The following GLRA1 variants were observed in gnomAD, a reference collection of about 807,000 sequenced individuals.
The protein encoded by GLRA1 is glycine receptor alpha 1, also known as glycine receptor subunit alpha-1.
In GLRA1, 37 loss-of-function variants were observed where a neutral mutation model predicts 48.3. That is an observed-to-expected ratio of 0.77 (90% CI 0.59 to 1.01). The LOEUF is 1.01. Ranked by LOEUF, GLRA1 falls within the 50% of genes least tolerant of loss-of-function variation. GLRA1 has a pLI of 0.00. For missense variants in GLRA1, 427 were observed against 571.0 expected (o/e 0.75, Z 2.57); for synonymous variants, 196 against 210.7 (o/e 0.93, Z 0.60).
At chr5:151,871,776 G>A (rs1455909203) in intron 3 of GLRA1, among the ~76,000 whole-genome samples, 1 of 149,420 alleles carries the variant, frequency 6.7e-6, no homozygotes, top group African/African-American at 2.6e-5. Context: ...GTGTTAACCA[G>A]GATGGTCTCA....
chr5:151,833,817 C>CAAAAA (rs766149505), intron 7 of GLRA1, among the ~76,000 whole-genome samples: 1,478 of 78,742 alleles, frequency 0.019, 17 homozygotes, highest in South Asian at 0.057. Context: ...AAAAAAAAAG[C>CAAAAA]AGGGGTTGCA....
intron 2 of GLRA1, 114 bp from the exon 3 acceptor site, chr5:151,886,902 C>A: frequency 5.0e-6 from 4 of 803,442 alleles, no homozygotes; most frequent in Non-Finnish European, 8.9e-6. Flanking sequence ...TGGAGGAGAT[C>A]CTTGCTTGCT....
chr5:151,835,027 CAAAA>C (rs60718344), intron 7 of GLRA1, among the ~76,000 whole-genome samples: 1,547 of 52,432 alleles, frequency 0.03, 11 homozygotes, highest in South Asian at 0.12. Flanking sequence ...GACAACATCT[CAAAA>C]AAAAAAAAAA....
chr5:151,849,958 A>C, intron 7 of GLRA1: 1 of 1,586,238 alleles, frequency 6.3e-7, no homozygotes, highest in Admixed American at 1.7e-5. Context: ...AGGACCCTAC[A>C]AGCTGGTGTT....
chr5:151,824,211 C>T (rs1296356513), intron 8 of GLRA1, among the ~76,000 whole-genome samples: 1 of 151,570 alleles, frequency 6.6e-6, no homozygotes, highest in Non-Finnish European at 1.5e-5. Flanking sequence ...GTTGCCCAGT[C>T]TGGTCTTGAA....
chr5:151,825,146 T>C (rs1224551826), intron 8 of GLRA1, among the ~76,000 whole-genome samples: 1 of 152,088 alleles, frequency 6.6e-6, no homozygotes, highest in East Asian at 1.9e-4. Context: ...TGTCTATGAA[T>C]AGGGCAACAG....
chr5:151,881,376 G>A (rs1399179681), intron 3 of GLRA1, among the ~76,000 whole-genome samples: 2 of 147,930 alleles, frequency 1.4e-5, no homozygotes, highest in East Asian at 4.0e-4. Flanking sequence ...CTTGAGTGCA[G>A]TGGCATGATC....
At chr5:151,920,426 A>G (rs1023828545) in intron 1 of GLRA1, among the ~76,000 whole-genome samples, 1 of 152,156 alleles carries the variant, frequency 6.6e-6, no homozygotes, top group African/African-American at 2.4e-5. Flanking sequence ...TTCATAAGAC[A>G]ATCTAAAGAA....
intron 3 of GLRA1, among the ~76,000 whole-genome samples, chr5:151,873,306 C>T (rs2913881): frequency 0.57 from 84,677 of 148,434 alleles, 25,612 homozygotes; most frequent in East Asian, 0.69. Flanking sequence ...ATTCTTGGTT[C>T]CCTCTCCAGT....
chr5:151,850,320 G>A, intron 7 of GLRA1: 22 of 1,571,892 alleles, frequency 1.4e-5, no homozygotes, highest in Non-Finnish European at 1.9e-5. Flanking sequence ...CAGCATGGGA[G>A]ATCATTTCTG....
At chr5:151,850,146 C>T in intron 7 of GLRA1, 1 of 1,603,872 alleles carries the variant, frequency 6.2e-7, no homozygotes, top group Non-Finnish European at 8.5e-7. Context: ...CCCAGGACCC[C>T]AGGGTCCATA....
chr5:151,924,397 C>G (rs1015439551), intron 1 of GLRA1, 97 bp downstream of exon 1: 20 of 833,314 alleles, frequency 2.4e-5, no homozygotes, highest in Non-Finnish European at 4.3e-5. Flanking sequence ...TACAGCACCC[C>G]TCTTCCCCAA....
chr5:151,923,129 T>C (rs1250304628), intron 1 of GLRA1, among the ~76,000 whole-genome samples: 1 of 152,246 alleles, frequency 6.6e-6, no homozygotes, highest in Non-Finnish European at 1.5e-5. Context: ...TGGTCAGGAC[T>C]CTGTGGCCTA....
intron 1 of GLRA1, among the ~76,000 whole-genome samples, chr5:151,922,350 A>G (rs1312806393): frequency 1.3e-5 from 2 of 152,252 alleles, no homozygotes; most frequent in South Asian, 2.1e-4. Flanking sequence ...GAAAATACCA[A>G]TTGAACAAAT....
intron 7 of GLRA1, among the ~76,000 whole-genome samples, chr5:151,848,654 T>C (rs1043621031): frequency 6.6e-6 from 1 of 152,234 alleles, no homozygotes; most frequent in Non-Finnish European, 1.5e-5. Flanking sequence ...TAAGGAAGCC[T>C]GCACATGGAT....
chr5:151,828,576 T>A (rs1202793119), intron 8 of GLRA1, among the ~76,000 whole-genome samples: 1 of 152,202 alleles, frequency 6.6e-6, no homozygotes, highest in African/African-American at 2.4e-5. Context: ...AACAATGCAG[T>A]CTTGCAGAAA....
chr5:151,917,718 T>C lies in GLRA1; in HGVS notation c.56+6776A>G, dbSNP rs76132550. Among the ~76,000 whole-genome samples the C allele has an allele frequency of 1.8e-3, 267 of 152,344 alleles. 2 individuals are homozygous for C. In the East Asian group the frequency reaches 0.02, roughly 11 times the overall value. On this transcript the variant is annotated intron_variant, in intron 1 of 8. Coordinates refer to ENST00000274576, the MANE Select transcript of GLRA1 (RefSeq NM_000171.4). ...CCTCACAGCTAACTTTGACAGCCAT[T>C]GAATTCTAGAGCTAAGAGTCCTTCC...
intron 6 of GLRA1, 96 bp from the exon 7 acceptor site, chr5:151,851,700 TCACA>T (rs1389829309): frequency 1.3e-6 from 1 of 791,818 alleles, no homozygotes; most frequent in Non-Finnish European, 2.2e-6. Flanking sequence ...TGGTTCAGTC[TCACA>T]CTACCTGTGT....
intron 6 of GLRA1, among the ~76,000 whole-genome samples, chr5:151,853,319 T>C (rs1752955613): frequency 6.6e-6 from 1 of 152,084 alleles, no homozygotes; most frequent in Non-Finnish European, 1.5e-5. Flanking sequence ...TGATCTCAGC[T>C]CACTGCAGCC....
Sources: gnomAD v4.1 joint callset for allele counts (sites outside exome capture counted in the v4.1 genomes callset) on GRCh38, gnomAD v4.1.1 for gene constraint, MANE v1.5 for transcripts, NCBI Gene and HGNC (gene_info 2026-07-23, HGNC 2026-07-21) for gene names.